Variants in SETD1A observed in about 807,000 individuals in gnomAD.
SETD1A encodes the protein histone-lysine N-methyltransferase SETD1A.
SETD1A carries 29 observed loss-of-function variants against 149.9 expected under a neutral mutation model. That is an observed-to-expected ratio of 0.19 (90% confidence interval 0.14 to 0.26). SETD1A has a LOEUF of 0.26. SETD1A is among the 10% of genes least tolerant of loss of function. The pLI, the probability that SETD1A is intolerant of heterozygous loss-of-function variation, is 1.00. For missense variants in SETD1A, 2,109 were observed against 2,353.1 expected (o/e 0.90, Z 2.15); for synonymous variants, 1,141 against 968.5 (o/e 1.18, Z -3.31).
rs773276055 is a variant in SETD1A, at chr16:30,975,145, C to CA, written c.3358+3441dup. Among the ~76,000 whole-genome samples the CA allele has an allele frequency of 3.6e-3, 446 of 123,440 alleles. 1 individual carries two copies. Among genetic ancestry groups the CA allele is most frequent in the Non-Finnish European group, 5.2e-3 (297 of 57,078 alleles). 81.0% of individuals were successfully genotyped at this position (123,440 alleles called of 152,430 possible). On this transcript the variant is annotated intron_variant, in intron 13 of 18. Coordinates refer to ENST00000262519, the MANE Select transcript of SETD1A (RefSeq NM_014712.3). ...CCTGGTGACAGAGCGAGACTGTCTC[C>CA]AAAAAAAAAAAAAAATTAGCCATGC...
chr16:30,979,025 T>C, intron 13 of SETD1A, 120 bp from the exon 14 acceptor site: 1 of 1,009,164 alleles, frequency 9.9e-7, no homozygotes, highest in Non-Finnish European at 1.4e-6. Flanking sequence ...GCGTCTGTGT[T>C]CCCTCCGGGG....
chr16:30,971,671 C>G lies in SETD1A; in HGVS notation c.3310C>G (p.Pro1104Ala). ...VPVPERVAGS[P>A]VTPLPEQEAS... ...AGTGCCGGAAAGGGTTGCAGGCTCC[C>G]CAGTCACACCCCTGCCCGAACAGGA... Residue 1104 changes from proline (P) to alanine (A), a missense_variant, in exon 13 of 19, where the codon CCA becomes GCA. By Grantham distance (27) the Pro-to-Ala change is conservative. Transcript: ENST00000262519. 1 of 1,602,888 alleles carries G rather than the reference C, an allele frequency of 6.2e-7. No individual in the cohort carries two copies. The highest frequency in any genetic ancestry group is 8.5e-7 in the Non-Finnish European group (1 of 1,172,280).
Position 30,983,422 on chromosome 16 carries a change from C to T in SETD1A, c.4813-213C>T, listed in dbSNP as rs1388846313. ...TTTCCCTGGAGTTCCCTGCGGGTGA[C>T]TTAGAATGGCCACCAGAGGCTTAGG... On this transcript the variant is annotated intron_variant, in intron 17 of 18. Coordinates refer to ENST00000262519, the MANE Select transcript of SETD1A (RefSeq NM_014712.3). This position sits in a 1 kb window ranked among gnomAD's most constrained non-coding sequence, Gnocchi z 6.8. 1.3e-5 allele frequency among the ~76,000 whole-genome samples: 2 copies of T among 152,160 alleles called. No homozygotes were observed. Among genetic ancestry groups the T allele is most frequent in the Non-Finnish European group, 2.9e-5 (2 of 68,016 alleles).
At chr16:30,962,714 A>T (rs1596671873) in intron 4 of SETD1A, among the ~76,000 whole-genome samples, 1 of 152,390 alleles carries the variant, frequency 6.6e-6, no homozygotes, top group Non-Finnish European at 1.5e-5. Context: ...TGAGAGGCCA[A>T]GGTGGGCAGA....
At chr16:30,960,332 T>G (rs2056032595) in intron 3 of SETD1A, among the ~76,000 whole-genome samples, 1 of 152,212 alleles carries the variant, frequency 6.6e-6, no homozygotes, top group African/African-American at 2.4e-5. Context: ...CTGTGTTACA[T>G]CCACACCATA....
Position 30,959,205 on chromosome 16 carries a change from C to G in SETD1A, c.246+19C>G, listed in dbSNP as rs746561159. ...GTTTAAGGTAAGTGTCTGCTGGGCT[C>G]CTGGTGTGGTAGTCCTAAGAGGGTG... On this transcript the variant is annotated intron_variant, in intron 3 of 18. Coordinates refer to ENST00000262519, the MANE Select transcript of SETD1A (RefSeq NM_014712.3). 6.7e-7 allele frequency: 1 copy of G among 1,496,714 alleles called. No homozygotes were observed. The highest frequency in any genetic ancestry group is 9.3e-7 in the Non-Finnish European group (1 of 1,072,874). 92.7% of individuals were successfully genotyped at this position (1,496,714 alleles called of 1,614,324 possible).
In SETD1A at chr16:30,969,453, C is replaced by A; in HGVS notation, c.2919C>A (p.Ser973=). The A allele has an allele frequency of 6.2e-7, 1 of 1,610,934 alleles. No individual in the cohort carries two copies. Among genetic ancestry groups the A allele is most frequent in the East Asian group, 2.2e-5 (1 of 44,716 alleles). ...GGGAGGAGGCATCCCAGGAGTCCTC[C>A]TCGGAGAAGGTGAGGGCCCGGGCGC... ...SEGEEASQES[S]SEKDEEDDEE... Residue 973 remains serine, a synonymous_variant, in exon 11 of 19, where the codon TCC becomes TCA. Coordinates refer to ENST00000262519, the MANE Select transcript of SETD1A (RefSeq NM_014712.3).
chr16:30,980,324 T>C lies in SETD1A; in HGVS notation c.4408+130T>C. 1.4e-6 allele frequency: 2 copies of C among 1,435,368 alleles called. No homozygotes were observed. The highest frequency in any genetic ancestry group is 2.8e-5 in the South Asian group (2 of 71,194). 88.9% of individuals were successfully genotyped at this position (1,435,368 alleles called of 1,614,324 possible). ...CCATCTTTTCTCTCCTCCTGGTGCCTCTTTTCTGCCTTCCAAAGCATTTCT... is the reference window on the plus strand; with the variant it reads ...CCATCTTTTCTCTCCTCCTGGTGCCCCTTTTCTGCCTTCCAAAGCATTTCT... On this transcript the variant is annotated intron_variant, in intron 14 of 18. Coordinates refer to ENST00000262519, the MANE Select transcript of SETD1A (RefSeq NM_014712.3). This position sits in a 1 kb window ranked among gnomAD's most constrained non-coding sequence, Gnocchi z 7.7.
chr16:30,964,570 A>G (rs2056107146), intron 6 of SETD1A, 42 bp from the exon 7 acceptor site: 2 of 1,589,772 alleles, frequency 1.3e-6, no homozygotes, highest in Middle Eastern at 1.7e-4. Context: ...TGGTTTGGTC[A>G]TAGAGAGCTG....
At position 30,971,487 on chromosome 16, in the gene SETD1A, A is replaced by C. The variant is rs141132338; in HGVS notation, c.3126A>C (p.Ser1042=). Reference sequence around the variant, plus strand: ...AGAGCAGCAGCTCTTCCAGCTCCTCATCCTCCTCCTCCTCCTCGTCCTCAT... The same window carrying C: ...AGAGCAGCAGCTCTTCCAGCTCCTCCTCCTCCTCCTCCTCCTCGTCCTCAT... ...DSESSSSSSS[S]SSSSSSSSSS... is the part of the protein sequence containing the mutation. Residue 1042 remains serine (S), a synonymous_variant, in exon 13 of 19, where the codon TCA becomes TCC. Coordinates refer to ENST00000262519, the MANE Select transcript of SETD1A (RefSeq NM_014712.3). 2.5e-4 allele frequency: 409 copies of C among 1,611,550 alleles called. 1 individual carries two copies. The highest frequency in any genetic ancestry group is 2.2e-3 in the African/African-American group (163 of 74,778).
rs749676751 is a variant in SETD1A, at chr16:30,971,265, T to A, written c.3017-113T>A. ...TATGCAGCTCCTTGGTCTGTTGGACTTCCCCGTCCCTAGCCCAGAGCCCAG... is the reference window on the plus strand; with the variant it reads ...TATGCAGCTCCTTGGTCTGTTGGACATCCCCGTCCCTAGCCCAGAGCCCAG... On this transcript the variant is annotated intron_variant, in intron 12 of 18. Transcript: ENST00000262519. 2.7e-5 allele frequency: 31 copies of A among 1,128,592 alleles called. No homozygotes were observed. The East Asian group carries it at 4.0e-4, about 15-fold the overall frequency. 69.9% of individuals were successfully genotyped at this position (1,128,592 alleles called of 1,614,324 possible).
chr16:30,960,602 A>G (rs1432323285), intron 3 of SETD1A, among the ~76,000 whole-genome samples: 1 of 151,870 alleles, frequency 6.6e-6, no homozygotes, highest in Non-Finnish European at 1.5e-5. Flanking sequence ...CTTCCTTTCT[A>G]TCTCTGTATT....
At chr16:30,977,815 G>C (rs2056302684) in intron 13 of SETD1A, among the ~76,000 whole-genome samples, 1 of 152,214 alleles carries the variant, frequency 6.6e-6, no homozygotes, top group South Asian at 2.1e-4. Flanking sequence ...GGCCGGGCCT[G>C]GTGCCGGCGG....
In SETD1A at chr16:30,981,228, A is replaced by G. The variant is rs2056373512; in HGVS notation, c.4812+48A>G. 4 of 1,608,546 alleles carry G rather than the reference A, an allele frequency of 2.5e-6. No homozygotes were observed. In the East Asian group the frequency reaches 8.9e-5, roughly 36 times the overall value. The stretch of plus-strand genomic sequence containing the variant: ...GCCCCGGCTTCTGATGCAACAAGAC[A>G]GCATGGGGGCTCACACACATGCTGT... On this transcript the variant is annotated intron_variant, in intron 17 of 18. Transcript: ENST00000262519.
Position 30,982,401 on chromosome 16 carries a change from T to C in SETD1A, c.4812+1221T>C, listed in dbSNP as rs374990958. On this transcript the variant is annotated intron_variant, in intron 17 of 18. Transcript: ENST00000262519. Reference sequence around the variant, plus strand: ...CTGTAATCCCAGCTACTAGGGAGGCTGAGGCAGGAGAATCGCTTGGACCTG... The same window carrying C: ...CTGTAATCCCAGCTACTAGGGAGGCCGAGGCAGGAGAATCGCTTGGACCTG... 9.9e-5 allele frequency among the ~76,000 whole-genome samples: 15 copies of C among 151,280 alleles called. No homozygotes were observed. In the South Asian group the frequency reaches 2.7e-3, roughly 27 times the overall value.
chr16:30,970,156 A>G lies in SETD1A; in HGVS notation c.3016+467A>G, dbSNP rs556767118. Among the ~76,000 whole-genome samples the G allele has an allele frequency of 2.6e-5, 4 of 151,132 alleles. No individual in the cohort carries two copies. The East Asian group carries it at 7.8e-4, about 30-fold the overall frequency. On this transcript the variant is annotated intron_variant, in intron 12 of 18. Coordinates refer to ENST00000262519, the MANE Select transcript of SETD1A (RefSeq NM_014712.3). ...CTAATTTTTTGTATTTTTAGTAGAG[A>G]CAGGGTTTCACTATGTTGGCCAGAC...
At chr16:30,967,659 T>A (rs1433818753) in intron 10 of SETD1A, 71 bp downstream of exon 10, 2 of 1,371,196 alleles carry the variant, frequency 1.5e-6, no homozygotes, top group Non-Finnish European at 2.1e-6. Flanking sequence ...GAGGTAGGGA[T>A]GAAGGGGTCA....
At position 30,961,600 on chromosome 16, in the gene SETD1A, C is replaced by T. The variant is rs1596670923; in HGVS notation, c.517+63C>T. 1.3e-6 allele frequency: 2 copies of T among 1,539,540 alleles called. No individual in the cohort carries two copies. The highest frequency in any genetic ancestry group is 1.9e-5 in the Admixed American group (1 of 51,568). ...CAGCGGAGGTTGTACATGCAAATGC[C>T]TGTCAGGGTCAGGCAGGCGCCCAGG... On this transcript the variant is annotated intron_variant, in intron 4 of 18. Coordinates refer to ENST00000262519, the MANE Select transcript of SETD1A (RefSeq NM_014712.3). This position sits in a 1 kb window ranked among gnomAD's most constrained non-coding sequence, Gnocchi z 4.0.
At chr16:30,958,353 C>A (rs1448188109) in intron 1 of SETD1A, 4 of 176,676 alleles carry the variant, frequency 2.3e-5, no homozygotes, top group Non-Finnish European at 4.6e-5. Flanking sequence ...TGTGTGGGAG[C>A]CGTGGCCGGG....
Sources: gnomAD v4.1 joint callset for allele counts (sites outside exome capture counted in the v4.1 genomes callset) on GRCh38, gnomAD v4.1.1 for gene constraint, Gnocchi (gnomAD v3.1) non-coding constraint, MANE v1.5 for transcripts, NCBI Gene and HGNC (gene_info 2026-07-23, HGNC 2026-07-21) for gene names.